Variants in GRPEL1 observed in about 807,000 individuals in gnomAD.
The protein encoded by GRPEL1 is grpE protein homolog 1, mitochondrial.
In GRPEL1, 13 loss-of-function variants were observed where a neutral mutation model predicts 22.1. The ratio of observed to expected loss-of-function variants is 0.59; its 90% confidence interval spans 0.38 to 0.94. GRPEL1 has a LOEUF of 0.94. Ranked by LOEUF, GRPEL1 falls within the 40% of genes least tolerant of loss-of-function variation. The probability of loss-of-function intolerance (pLI) is 0.00; values close to 1 mark genes in which losing one functional copy is unlikely to be tolerated. For synonymous variants in GRPEL1, 109 were observed against 105.3 expected (o/e 1.03, Z -0.21); for missense variants, 289 against 264.6 (o/e 1.09, Z -0.64).
intron 1 of GRPEL1, among the ~76,000 whole-genome samples, chr4:7,064,605 G>A (rs3857177): frequency 0.7 from 106,087 of 151,824 alleles, 38,178 homozygotes; most frequent in South Asian, 0.81. Flanking sequence ...CCTCCGTCTC[G>A]TGGGTTCAAG....
At chr4:7,067,878 G>T in intron 1 of GRPEL1, 93 bp downstream of exon 1, 2 of 1,343,500 alleles carry the variant, frequency 1.5e-6, no homozygotes, top group South Asian at 1.2e-5. Context: ...CCGGGGCCGA[G>T]GCCGGGAAGG....
rs1238663587 is a variant in GRPEL1 at position 7,059,043 on chromosome 4, G to A, written c.*1819C>T. ...ATACACCATATAGCCTAGGTGTGGA[G>A]GAGGCTCCACCACCTGTTTTTTAGG... On this transcript the variant is annotated 3_prime_UTR_variant, in exon 4 of 4. Transcript: ENST00000264954. The A allele has an allele frequency of 2.0e-5, 3 of 152,314 alleles. No individual in the cohort carries two copies. The highest frequency in any genetic ancestry group is 2.0e-4 in the Admixed American group (3 of 15,298). The allele number at this position is 152,314 out of a possible 1,614,324, so 9.4% of individuals were successfully genotyped here.
Position 7,064,242 on chromosome 4 carries a change from G to A in GRPEL1, c.63-19C>T, listed in dbSNP as rs746858574. ...AGATGGCCTACAGGGAAGTCCACAC[G>A]TGAGAAACGAAGACTTAGTTTTTGT... On this transcript the variant is annotated intron_variant, in intron 1 of 3. Transcript: ENST00000264954. The A allele has an allele frequency of 5.0e-6, 8 of 1,595,652 alleles. No individual in the cohort carries two copies. Among genetic ancestry groups the A allele is most frequent in the African/African-American group, 1.3e-5 (1 of 74,100 alleles).
rs761357047 is a variant in GRPEL1 at position 7,061,145 on chromosome 4, C to T, written c.371G>A (p.Cys124Tyr). ...GTCTTTAATTTCTTCTTTTGGAACA[C>T]ACTGTGTTGCCTTCTCCAGAACGTC... ...VADVLEKATQCVPKEEIKDDN... is the reference protein window; with the variant it reads ...VADVLEKATQYVPKEEIKDDN... The change falls in exon 4 of 4, where the codon TGT (cysteine) becomes TAT (tyrosine). Residue 124 changes from cysteine to tyrosine, a missense_variant. Transcript: ENST00000264954. 3.7e-6 allele frequency: 6 copies of T among 1,614,162 alleles called. No individual in the cohort carries two copies. Among genetic ancestry groups the T allele is most frequent in the Non-Finnish European group, 5.1e-6 (6 of 1,180,036 alleles).
intron 1 of GRPEL1, 111 bp from the exon 2 acceptor site, chr4:7,064,334 G>A (rs1724111331): frequency 1.9e-6 from 2 of 1,050,932 alleles, no homozygotes; most frequent in Non-Finnish European, 2.7e-6. Context: ...CTATTACTTG[G>A]GGAGAAAACA....
intron 1 of GRPEL1, 99 bp from the exon 2 acceptor site, chr4:7,064,322 TAC>T: frequency 7.9e-7 from 1 of 1,270,656 alleles, no homozygotes; most frequent in Non-Finnish European, 1.1e-6. Flanking sequence ...TCAAACTATT[TAC>T]TATTACTTGG....
At chr4:7,064,031 C>G in intron 2 of GRPEL1, 30 bp downstream of exon 2, 1 of 1,604,600 alleles carries the variant, frequency 6.2e-7, no homozygotes, top group Admixed American at 1.7e-5. Flanking sequence ...TCAGCCGAGC[C>G]CGCCCCCACA....
chr4:7,067,243 AG>A (rs1165442776), intron 1 of GRPEL1, among the ~76,000 whole-genome samples: 3 of 135,026 alleles, frequency 2.2e-5, no homozygotes, highest in Admixed American at 8.1e-5. Flanking sequence ...AAAAAGCAGA[AG>A]GGGCAGATTT....
rs573130025 is a variant in GRPEL1, at chr4:7,059,608, G to A, written c.*1254C>T. The A allele has an allele frequency of 2.6e-5, 4 of 152,316 alleles. No homozygotes were observed. The South Asian group carries it at 6.2e-4, about 24-fold the overall frequency. The allele number at this position is 152,316 out of a possible 1,614,324, so 9.4% of individuals were successfully genotyped here. On this transcript the variant is annotated 3_prime_UTR_variant, in exon 4 of 4. Transcript: ENST00000264954. ...GAAGTATTATGGGACCATTACTTGC[G>A]TCTTTTAAAATTAGAAGTGAAATAA...
rs2108792172 is a variant in GRPEL1 at position 7,064,146 on chromosome 4, C to T, written c.140G>A (p.Ser47Asn). ...AGCAGGAGGATCTGCCTTCTGTTCA[C>T]TCTGACCCATGTCCTCTTCCAGGTT... is the stretch of plus-strand genomic sequence containing the variant. The part of the protein sequence containing the change: ...GQNLEEDMGQ[S>N]EQKADPPATE... The change falls in exon 2 of 4, where the codon AGT becomes AAT. Residue 47 changes from serine to asparagine, a missense_variant. Transcript: ENST00000264954. 1 of 1,614,228 alleles carries T rather than the reference C, an allele frequency of 6.2e-7. No homozygotes were observed.
chr4:7,062,501 T>TATAC (rs1166102494), intron 2 of GRPEL1, 35 bp from the exon 3 acceptor site: 1 of 590,354 alleles, frequency 1.7e-6, no homozygotes, highest in East Asian at 5.5e-5. Context: ...TATATATATA[T>TATAC]ATATATATAT....
chr4:7,059,374 G>T lies in GRPEL1; in HGVS notation c.*1488C>A, dbSNP rs866872507. 1 of 152,218 alleles carries T rather than the reference G, an allele frequency of 6.6e-6. No homozygotes were observed. Among genetic ancestry groups the T allele is most frequent in the Admixed American group, 6.5e-5 (1 of 15,276 alleles). The allele number at this position is 152,218 out of a possible 1,614,324, so 9.4% of individuals were successfully genotyped here. On this transcript the variant is annotated 3_prime_UTR_variant, in exon 4 of 4. Transcript: ENST00000264954. Reference sequence around the variant, plus strand: ...GGAGACTGCAAACATTCACAGAAATGAGTTGATAAATTACTTTTCTTAGCC... The same window carrying T: ...GGAGACTGCAAACATTCACAGAAATTAGTTGATAAATTACTTTTCTTAGCC...
At chr4:7,063,146 G>A (rs530671170) in intron 2 of GRPEL1, among the ~76,000 whole-genome samples, 2 of 150,870 alleles carry the variant, frequency 1.3e-5, no homozygotes, top group Admixed American at 1.3e-4. Context: ...CCAGGTTGAA[G>A]TGGTGTAATC....
rs1723982110 is a variant in GRPEL1, at chr4:7,059,387, ACTTTT to A, written c.*1470_*1474del. On this transcript the variant is annotated 3_prime_UTR_variant, in exon 4 of 4. Transcript: ENST00000264954. ...ATTCACAGAAATGAGTTGATAAATTACTTTTCTTAGCCTCCATTTAACTCGGGAGC... is the reference window on the plus strand; with the variant it reads ...ATTCACAGAAATGAGTTGATAAATTACTTAGCCTCCATTTAACTCGGGAGC... 1.3e-5 allele frequency: 2 copies of A among 152,354 alleles called. No homozygotes were observed. Among genetic ancestry groups the A allele is most frequent in the South Asian group, 2.1e-4 (1 of 4,832 alleles). The allele number at this position is 152,354 out of a possible 1,614,324, so 9.4% of individuals were successfully genotyped here. A position where few individuals can be genotyped will look rare whatever the true frequency, so the allele number is the denominator to read the frequency against.
chr4:7,060,869 T>A lies in GRPEL1; in HGVS notation c.647A>T (p.Glu216Val), dbSNP rs1724024963. ...CCACCCCATCAACAGCAGCTAAGCT[T>A]CCTTCACCACCCCCACCAGGGCGGG... ...LRPALVGVVK[E>V]A is the part of the protein sequence containing the mutation. Residue 216 changes from glutamate to valine, a missense_variant, in exon 4 of 4, where the codon GAA (glutamate) becomes GTA (valine). Coordinates refer to ENST00000264954, the MANE Select transcript of GRPEL1 (RefSeq NM_025196.4). 6.2e-7 allele frequency: 1 copy of A among 1,609,978 alleles called. No homozygotes were observed. Among genetic ancestry groups the A allele is most frequent in the Admixed American group, 1.7e-5 (1 of 59,506 alleles).
At chr4:7,063,481 G>C (rs1432975836) in intron 2 of GRPEL1, among the ~76,000 whole-genome samples, 2 of 152,178 alleles carry the variant, frequency 1.3e-5, no homozygotes, top group Non-Finnish European at 2.9e-5. Flanking sequence ...CAGTGGCAAG[G>C]AGCAAGAGCT....
At chr4:7,064,652 C>T (rs1724125404) in intron 1 of GRPEL1, among the ~76,000 whole-genome samples, 1 of 152,066 alleles carries the variant, frequency 6.6e-6, no homozygotes, top group Non-Finnish European at 1.5e-5. Flanking sequence ...TTGCTCGTCA[C>T]CACACCCGGC....
chr4:7,064,037 C>T, intron 2 of GRPEL1, 24 bp downstream of exon 2: 1 of 1,608,102 alleles, frequency 6.2e-7, no homozygotes, highest in East Asian at 2.2e-5. Context: ...GAGCCCGCCC[C>T]CACAGGAGCC....
chr4:7,062,703 A>G lies in GRPEL1; in HGVS notation c.226-237T>C, dbSNP rs547398779. Among the ~76,000 whole-genome samples the G allele has an allele frequency of 1.4e-4, 21 of 151,816 alleles. No individual in the cohort carries two copies. The South Asian group carries it at 1.5e-3, about 11-fold the overall frequency. ...ATTTTTTTGTATTTTTAGTAGAGAT[A>G]GGGTTTCACCGTGTTAGCCAGGATG... On this transcript the variant is annotated intron_variant, in intron 2 of 3. Coordinates refer to ENST00000264954, the MANE Select transcript of GRPEL1 (RefSeq NM_025196.4).
Sources: gnomAD v4.1 joint callset for allele counts (sites outside exome capture counted in the v4.1 genomes callset) on GRCh38, gnomAD v4.1.1 for gene constraint, MANE v1.5 for transcripts, NCBI Gene and HGNC (gene_info 2026-07-23, HGNC 2026-07-21) for gene names.